ITSN1: variants seen among roughly 807,000 people sequenced by gnomAD.
ITSN1 encodes the protein intersectin-1.
Under a neutral mutation model 239.8 loss-of-function variants are expected in ITSN1, and 58 were observed. The ratio of observed to expected loss-of-function variants is 0.24; its 90% CI spans 0.20 to 0.30. The LOEUF is 0.30. Among genes scored for constraint, ITSN1 ranks in the 10% least tolerant of loss-of-function variants. The pLI is 1.00. For synonymous variants in ITSN1, 780 were observed against 770.8 expected (o/e 1.01, Z -0.20); for missense variants, 1,558 against 2,103.3 (o/e 0.74, Z 5.07).
At chr21:33,815,326 T>C (rs2148231981) in intron 22 of ITSN1, among the ~76,000 whole-genome samples, 1 of 152,166 alleles carries the variant, frequency 6.6e-6, no homozygotes, top group South Asian at 2.1e-4. Context: ...TACTTTCCTT[T>C]GCATCTGTCC....
chr21:33,728,357 C>T (rs1486102536), intron 4 of ITSN1, among the ~76,000 whole-genome samples: 3 of 152,056 alleles, frequency 2.0e-5, no homozygotes, highest in Admixed American at 6.6e-5. Flanking sequence ...CTCAGCCTCC[C>T]GAGTAGCTGG....
At position 33,865,292 on chromosome 21, in the gene ITSN1, G is replaced by A; in HGVS notation, c.4032G>A (p.Gln1344=). Residue 1344 remains glutamine (Q), a synonymous_variant, in exon 32 of 40, where the codon CAG becomes CAA. Transcript: ENST00000381318. This position sits in a 1 kb window ranked among gnomAD's most constrained non-coding sequence, Gnocchi z 4.4. The part of the protein sequence containing the change: ...SRQLNGAALI[Q]QKTDEAPDFK... ...AGCTCAACGGGGCTGCCCTGATCCA[G>A]CAGAAGACGGATGAGGCCCCAGACT... 6.3e-7 allele frequency: 1 copy of A among 1,593,776 alleles called. No individual in the cohort carries two copies. The highest frequency in any genetic ancestry group is 1.7e-4 in the Middle Eastern group (1 of 6,036).
intron 10 of ITSN1, 119 bp downstream of exon 10, chr21:33,766,131 G>A: frequency 9.7e-7 from 1 of 1,025,668 alleles, no homozygotes; most frequent in Non-Finnish European, 1.4e-6. Flanking sequence ...AAGTATCCGT[G>A]AATTCTAGAG....
At chr21:33,703,018 A>G (rs1461150557) in intron 1 of ITSN1, among the ~76,000 whole-genome samples, 1 of 151,764 alleles carries the variant, frequency 6.6e-6, no homozygotes, top group Non-Finnish European at 1.5e-5. Flanking sequence ...TGGTGGTTGC[A>G]GTGATTGCAG....
chr21:33,866,384 G>C (rs1039154257), intron 32 of ITSN1, among the ~76,000 whole-genome samples: 1 of 152,232 alleles, frequency 6.6e-6, no homozygotes, highest in Non-Finnish European at 1.5e-5. Flanking sequence ...TTCAGCCAAG[G>C]GCTGGGCTCT....
chr21:33,813,716 C>T (rs1189651583), intron 21 of ITSN1, among the ~76,000 whole-genome samples, 197 bp from the exon 22 acceptor site: 1 of 151,986 alleles, frequency 6.6e-6, no homozygotes, highest in Admixed American at 6.6e-5. Context: ...TGCACAGGCT[C>T]ATTGGTTGCC....
chr21:33,815,164 T>G (rs2073184020), intron 22 of ITSN1, among the ~76,000 whole-genome samples: 1 of 152,170 alleles, frequency 6.6e-6, no homozygotes, highest in African/African-American at 2.4e-5. Flanking sequence ...GGATTATAGA[T>G]TGGAGCCATT....
chr21:33,703,907 C>T (rs1212700126), intron 1 of ITSN1, among the ~76,000 whole-genome samples: 1 of 152,174 alleles, frequency 6.6e-6, no homozygotes, highest in African/African-American at 2.4e-5. Flanking sequence ...GGGCCCTTAG[C>T]CCTGAGGTGC....
chr21:33,696,317 T>C (rs373602181), intron 1 of ITSN1, among the ~76,000 whole-genome samples: 30 of 152,198 alleles, frequency 2.0e-4, no homozygotes, highest in East Asian at 9.6e-4. Context: ...TATCTCCTGA[T>C]TGGGCAAATA....
In ITSN1 at chr21:33,888,458, C is replaced by T. The variant is rs542969738; in HGVS notation, c.*158C>T. The T allele has an allele frequency of 1.9e-5, 13 of 692,126 alleles. 1 individual carries two copies. Among genetic ancestry groups the T allele is most frequent in the South Asian group, 8.1e-5 (4 of 49,574 alleles). 42.9% of individuals were successfully genotyped at this position (692,126 alleles called of 1,614,324 possible). A position where few individuals can be genotyped will look rare whatever the true frequency, so the allele number is the denominator to read the frequency against. The stretch of plus-strand genomic sequence containing the variant: ...CCTCAAAGCTCCTAGGAATCATTCT[C>T]GACAATCCTCCCTGCCCCGAAACAA... On this transcript the variant is annotated 3_prime_UTR_variant, in exon 40 of 40. Transcript: ENST00000381318.
intron 28 of ITSN1, among the ~76,000 whole-genome samples, chr21:33,835,939 A>G (rs914387688): frequency 6.6e-6 from 1 of 152,174 alleles, no homozygotes; most frequent in Non-Finnish European, 1.5e-5. Flanking sequence ...TCAAATAAAT[A>G]AATAATAAAT....
At chr21:33,655,338 G>A (rs2088950064) in intron 1 of ITSN1, among the ~76,000 whole-genome samples, 1 of 151,998 alleles carries the variant, frequency 6.6e-6, no homozygotes, top group South Asian at 2.1e-4. Context: ...CCAATACTAG[G>A]GACATTCACA....
intron 20 of ITSN1, among the ~76,000 whole-genome samples, chr21:33,806,890 C>T (rs984162354): frequency 6.6e-6 from 1 of 152,158 alleles, no homozygotes; most frequent in Non-Finnish European, 1.5e-5. Context: ...CTGCCATAAT[C>T]TTATGTTTTC....
At chr21:33,862,003 A>AT (rs1980665070) in intron 31 of ITSN1, among the ~76,000 whole-genome samples, 4 of 147,432 alleles carry the variant, frequency 2.7e-5, no homozygotes, top group Non-Finnish European at 6.0e-5. Context: ...AAAAAAAAAA[A>AT]AAAAAAAAAA....
intron 29 of ITSN1, among the ~76,000 whole-genome samples, chr21:33,847,909 G>A (rs2075034996): frequency 6.6e-6 from 1 of 152,200 alleles, no homozygotes; most frequent in South Asian, 2.1e-4. Context: ...GCCGATAACA[G>A]ATGCCTGGAC....
intron 20 of ITSN1, among the ~76,000 whole-genome samples, chr21:33,804,480 C>CACTA (rs1329757852): frequency 6.6e-6 from 1 of 152,142 alleles, no homozygotes; most frequent in East Asian, 1.9e-4. Context: ...AATAAACATT[C>CACTA]ACTAACTCTG....
At chr21:33,731,245 C>G (rs937565105) in intron 4 of ITSN1, among the ~76,000 whole-genome samples, 26 of 152,240 alleles carry the variant, frequency 1.7e-4, no homozygotes, top group Admixed American at 1.5e-3. Flanking sequence ...CTCCCCTAAC[C>G]TACTCATTAT....
chr21:33,876,108 T>C (rs962355064), intron 34 of ITSN1, among the ~76,000 whole-genome samples: 7 of 2,374 alleles, frequency 2.9e-3, no homozygotes, highest in African/African-American at 0.02. Flanking sequence ...TTTCCTTCTT[T>C]CTTTCTTTCT....
intron 16 of ITSN1, among the ~76,000 whole-genome samples, chr21:33,789,482 A>G (rs2070935597): frequency 6.6e-6 from 1 of 152,216 alleles, no homozygotes; most frequent in Admixed American, 6.5e-5. Context: ...TCCAAGAGAC[A>G]TCCTGAGGCG....
Sources: gnomAD v4.1 joint callset for allele counts (sites outside exome capture counted in the v4.1 genomes callset) on GRCh38, gnomAD v4.1.1 for gene constraint, Gnocchi (gnomAD v3.1) non-coding constraint, MANE v1.5 for transcripts, NCBI Gene and HGNC (gene_info 2026-07-23, HGNC 2026-07-21) for gene names.